CEP89: variants seen among roughly 807,000 people sequenced by gnomAD.
CEP89 encodes centrosomal protein 89, also known as centrosomal protein of 89 kDa.
A neutral mutation model predicts 97.6 loss-of-function variants in CEP89; 95 were observed. The observed-to-expected ratio is 0.97, with a 90% CI of 0.82 to 1.15. The LOEUF (loss-of-function observed/expected upper bound fraction) is 1.15, where lower values mean the gene tolerates loss of function less well. Among genes scored for constraint, CEP89 ranks in the 50% most tolerant of loss-of-function variants. CEP89 has a pLI of 0.00. For synonymous variants in CEP89, 354 were observed against 349.1 expected (o/e 1.01, Z -0.16); for missense variants, 869 against 947.7 (o/e 0.92, Z 1.09).
Position 32,936,273 on chromosome 19 carries a change from G to A in CEP89, c.667+1358C>T, listed in dbSNP as rs902767146. On this transcript the variant is annotated intron_variant, in intron 7 of 18. Coordinates refer to ENST00000305768, the MANE Select transcript of CEP89 (RefSeq NM_032816.5). This position sits in a 1 kb window ranked among gnomAD's most constrained non-coding sequence, Gnocchi z 4.5. ...CTCAGGGCAGTACTGACACGACAGCGCCCTGCCGCCTCAGCCCCCTCCAGA... is the reference window on the plus strand; with the variant it reads ...CTCAGGGCAGTACTGACACGACAGCACCCTGCCGCCTCAGCCCCCTCCAGA... Among the ~76,000 whole-genome samples, 19 of 152,172 alleles carry A rather than the reference G, an allele frequency of 1.2e-4. No individual in the cohort carries two copies. The highest frequency in any genetic ancestry group is 2.1e-4 in the South Asian group (1 of 4,834).
intron 12 of CEP89, among the ~76,000 whole-genome samples, chr19:32,919,988 T>C (rs534045948): frequency 1.3e-5 from 2 of 152,256 alleles, no homozygotes; most frequent in East Asian, 3.9e-4. Context: ...TATTTGTTCA[T>C]TCATTCATTT....
At chr19:32,917,746 G>C in intron 13 of CEP89, 1 of 969,338 alleles carries the variant, frequency 1.0e-6, no homozygotes, top group Non-Finnish European at 1.2e-6. Flanking sequence ...TGGGAAGAGG[G>C]ACACTCTCGG....
At chr19:32,946,629 G>A (rs1200191290) in intron 5 of CEP89, among the ~76,000 whole-genome samples, 1 of 152,112 alleles carries the variant, frequency 6.6e-6, no homozygotes, top group African/African-American at 2.4e-5. Context: ...CATATTGTCG[G>A]AGGGACCCAG....
intron 18 of CEP89, among the ~76,000 whole-genome samples, chr19:32,879,835 G>A (rs944896247): frequency 6.6e-6 from 1 of 152,224 alleles, no homozygotes. Context: ...CCGTCTGCTT[G>A]TCCACTGTGA....
intron 14 of CEP89, among the ~76,000 whole-genome samples, chr19:32,905,969 C>T (rs1253642402): frequency 2.0e-5 from 3 of 152,176 alleles, no homozygotes; most frequent in Admixed American, 6.5e-5. Flanking sequence ...CCATGCCTGG[C>T]CTAAGTAGTA....
intron 12 of CEP89, among the ~76,000 whole-genome samples, chr19:32,919,087 A>G (rs908908138): frequency 2.0e-5 from 3 of 152,040 alleles, no homozygotes; most frequent in Non-Finnish European, 4.4e-5. Context: ...GGGTTTCACC[A>G]TGTTAGCCAG....
intron 2 of CEP89, chr19:32,963,636 A>T (rs74784672): frequency 0.017 from 2,576 of 152,224 alleles, 38 homozygotes; most frequent in Non-Finnish European, 0.025. Context: ...ACACAAAGAG[A>T]TCTGGAAATT....
intron 5 of CEP89, among the ~76,000 whole-genome samples, chr19:32,943,053 G>A (rs536914025): frequency 2.6e-4 from 39 of 151,438 alleles, no homozygotes; most frequent in Admixed American, 4.0e-4. Context: ...TCCAGCTGCC[G>A]GGCTCAAGTG....
intron 3 of CEP89, among the ~76,000 whole-genome samples, chr19:32,957,540 T>C (rs573249992): frequency 1.1e-3 from 160 of 152,256 alleles, no homozygotes; most frequent in African/African-American, 3.7e-3. Context: ...CTGGGCACAG[T>C]GGTTCATGCC....
intron 14 of CEP89, among the ~76,000 whole-genome samples, chr19:32,902,010 C>CTGTGTGTG (rs929591410): frequency 0.015 from 1,979 of 133,736 alleles, 17 homozygotes; most frequent in African/African-American, 0.027. Flanking sequence ...CTCTCTCTCT[C>CTGTGTGTG]TGTGTGTGTG....
intron 12 of CEP89, among the ~76,000 whole-genome samples, chr19:32,918,884 C>CTTTTCT (rs1970188725): frequency 3.4e-5 from 4 of 117,650 alleles, no homozygotes; most frequent in African/African-American, 1.3e-4. Flanking sequence ...TTTTCTTTTT[C>CTTTTCT]TTTTTTTTTT....
intron 13 of CEP89, 77 bp downstream of exon 13, chr19:32,918,147 C>A (rs35549246): frequency 8.2e-7 from 1 of 1,217,750 alleles, no homozygotes; most frequent in South Asian, 1.3e-5. Flanking sequence ...CTGGGGCCCC[C>A]GGCAGGAGAG....
At position 32,884,739 on chromosome 19, in the gene CEP89, CT is replaced by C. The variant is rs535807293; in HGVS notation, c.1966-2727del. Among the ~76,000 whole-genome samples, 29 of 151,834 alleles carry C rather than the reference CT, an allele frequency of 1.9e-4. 1 individual carries two copies. In the South Asian group the frequency reaches 5.8e-3, roughly 31 times the overall value. On this transcript the variant is annotated intron_variant, in intron 17 of 18. Coordinates refer to ENST00000305768, the MANE Select transcript of CEP89 (RefSeq NM_032816.5). ...GCTATCAAGCCCGGCTAATTTTAAA[CT>C]TTTTTTTAGAGATGGGGTCTCTATG...
At chr19:32,911,572 A>G (rs1180581739) in intron 14 of CEP89, among the ~76,000 whole-genome samples, 3 of 152,192 alleles carry the variant, frequency 2.0e-5, no homozygotes, top group Non-Finnish European at 4.4e-5. Context: ...GGATAGCTTG[A>G]GCCTAGGAGG....
intron 1 of CEP89, among the ~76,000 whole-genome samples, chr19:32,968,048 TTCCAG>T (rs1047083852): frequency 1.2e-4 from 19 of 152,156 alleles, no homozygotes; most frequent in African/African-American, 4.6e-4. Context: ...TGGGCACACC[TTCCAG>T]TCATCTCCTA....
In CEP89 at chr19:32,927,343, C is replaced by T. The variant is rs541526745; in HGVS notation, c.1030-359G>A. Among the ~76,000 whole-genome samples the T allele has an allele frequency of 4.6e-5, 7 of 152,228 alleles. No individual in the cohort carries two copies. The South Asian group carries it at 1.0e-3, about 23-fold the overall frequency. ...TCCTAAAAACAAAAACATTCATTTA[C>T]TTAACCACAGTACTGTCATGAAAAT... On this transcript the variant is annotated intron_variant, in intron 9 of 18. Transcript: ENST00000305768.
At position 32,971,906 on chromosome 19, in the gene CEP89, T is replaced by G. The variant is rs866040615; in HGVS notation, c.-32A>C. On this transcript the variant is annotated 5_prime_UTR_variant, in exon 1 of 19. Coordinates refer to ENST00000305768, the MANE Select transcript of CEP89 (RefSeq NM_032816.5). ...AGCGCGAGGAGAATGGACCGGGGCC[T>G]GGACTCATCAGCAGATCTATCCACA... is the stretch of plus-strand genomic sequence containing the variant. 4.4e-6 allele frequency: 7 copies of G among 1,574,582 alleles called. No homozygotes were observed. The Middle Eastern group carries it at 1.2e-3, about 262-fold the overall frequency.
intron 16 of CEP89, among the ~76,000 whole-genome samples, chr19:32,895,750 T>TA (rs113777086): frequency 3.5e-3 from 512 of 147,598 alleles, no homozygotes; most frequent in Non-Finnish European, 5.0e-3. Flanking sequence ...TTAGATCTGA[T>TA]AAAAAAAAAA....
At chr19:32,966,869 G>C (rs1009389) in intron 1 of CEP89, among the ~76,000 whole-genome samples, 7,278 of 152,200 alleles carry the variant, frequency 0.048, 607 homozygotes, top group African/African-American at 0.17. Flanking sequence ...TTTTGAGATG[G>C]GGTCTTGCTC....
Sources: gnomAD v4.1 joint callset for allele counts (sites outside exome capture counted in the v4.1 genomes callset) on GRCh38, gnomAD v4.1.1 for gene constraint, Gnocchi (gnomAD v3.1) non-coding constraint, MANE v1.5 for transcripts, NCBI Gene and HGNC (gene_info 2026-07-23, HGNC 2026-07-21) for gene names.